Variants in FRMD4A observed in about 807,000 individuals in gnomAD.
The protein encoded by FRMD4A is FERM domain-containing protein 4A.
In FRMD4A, 29 loss-of-function variants were observed where a neutral mutation model predicts 129.1. The observed-to-expected ratio is 0.22, with a 90% confidence interval of 0.17 to 0.31. FRMD4A has a LOEUF of 0.31. Ranked by LOEUF, FRMD4A falls within the 10% of genes least tolerant of loss-of-function variation. The pLI, the probability that FRMD4A is intolerant of heterozygous loss-of-function variation, is 1.00. For missense variants in FRMD4A, 1,272 were observed against 1,375.8 expected (o/e 0.92, Z 1.19); for synonymous variants, 634 against 571.6 (o/e 1.11, Z -1.56).
chr10:13,952,667 C>T (rs990435959), intron 2 of FRMD4A, among the ~76,000 whole-genome samples: 1 of 152,042 alleles, frequency 6.6e-6, no homozygotes, highest in Non-Finnish European at 1.5e-5. Flanking sequence ...GAGGTAGTTG[C>T]AAATTATGTA....
At chr10:14,210,769 C>A (rs1340646814) in intron 2 of FRMD4A, among the ~76,000 whole-genome samples, 1 of 152,134 alleles carries the variant, frequency 6.6e-6, no homozygotes, top group Non-Finnish European at 1.5e-5. Flanking sequence ...GCTCTGTCAC[C>A]CAGGCTGGAG....
chr10:14,052,796 T>G (rs571420395), intron 2 of FRMD4A, among the ~76,000 whole-genome samples: 7 of 152,122 alleles, frequency 4.6e-5, no homozygotes, highest in African/African-American at 1.2e-4. Flanking sequence ...ACTCCTGACC[T>G]CAAGTGATCC....
At chr10:14,209,839 G>C (rs1437842204) in intron 2 of FRMD4A, among the ~76,000 whole-genome samples, 4 of 152,120 alleles carry the variant, frequency 2.6e-5, no homozygotes, top group Non-Finnish European at 5.9e-5. Flanking sequence ...AGTGAGCTGT[G>C]ATCATGCCAC....
At chr10:13,963,369 C>T (rs144395016) in intron 2 of FRMD4A, among the ~76,000 whole-genome samples, 90 of 149,902 alleles carry the variant, frequency 6.0e-4, no homozygotes, top group Non-Finnish European at 9.4e-4. Flanking sequence ...TGCAGGGCAT[C>T]GCTCTTTAAA....
chr10:13,930,619 G>A (rs149880785), intron 2 of FRMD4A, among the ~76,000 whole-genome samples: 1,854 of 152,244 alleles, frequency 0.012, 17 homozygotes, highest in Non-Finnish European at 0.021. Context: ...ACTGCCAGAC[G>A]TTCCCGAAGG....
At chr10:14,228,119 G>A (rs1843510716) in intron 2 of FRMD4A, among the ~76,000 whole-genome samples, 1 of 152,070 alleles carries the variant, frequency 6.6e-6, no homozygotes, top group South Asian at 2.1e-4. Flanking sequence ...TGACCCACCT[G>A]TTTCAGCCTC....
chr10:14,197,087 C>A (rs1335871646), intron 2 of FRMD4A, among the ~76,000 whole-genome samples: 1 of 152,152 alleles, frequency 6.6e-6, no homozygotes, highest in Non-Finnish European at 1.5e-5. Context: ...TAAGCCAGCT[C>A]AGAAAGCTGC....
At chr10:13,903,337 C>A (rs944083079) in intron 2 of FRMD4A, among the ~76,000 whole-genome samples, 1 of 152,156 alleles carries the variant, frequency 6.6e-6, no homozygotes, top group Non-Finnish European at 1.5e-5. Flanking sequence ...TGTTTTATTA[C>A]CTGTCCTTCC....
chr10:14,127,511 G>C (rs1838911870), intron 2 of FRMD4A, among the ~76,000 whole-genome samples: 1 of 152,168 alleles, frequency 6.6e-6, no homozygotes, highest in Admixed American at 6.5e-5. Context: ...CATTGAATAA[G>C]ATGGCACTAC....
chr10:14,200,455 G>T (rs544477940), intron 2 of FRMD4A, among the ~76,000 whole-genome samples: 5 of 152,172 alleles, frequency 3.3e-5, no homozygotes, highest in African/African-American at 1.2e-4. Flanking sequence ...ACCTTGCAAG[G>T]CTAATTTTTG....
Position 13,740,293 on chromosome 10 carries a change from C to G in FRMD4A, c.615-42G>C, listed in dbSNP as rs778909117. ...AAGATACACAAACACACACACAATG[C>G]GCAAAAGGCTAGTTATTCAGCAGAT... On this transcript the variant is annotated intron_variant, in intron 10 of 24. Coordinates refer to ENST00000357447, the MANE Select transcript of FRMD4A (RefSeq NM_018027.5). The G allele has an allele frequency of 5.9e-6, 8 of 1,359,290 alleles. No individual in the cohort carries two copies. In the South Asian group the frequency reaches 9.4e-5, roughly 16 times the overall value. The allele number at this position is 1,359,290 out of a possible 1,614,324, so 84.2% of individuals were successfully genotyped here.
chr10:14,151,565 G>A (rs1157070624), intron 2 of FRMD4A, among the ~76,000 whole-genome samples: 1 of 152,130 alleles, frequency 6.6e-6, no homozygotes, highest in African/African-American at 2.4e-5. Flanking sequence ...TTTGAGTGAT[G>A]GGTACACTGG....
intron 2 of FRMD4A, among the ~76,000 whole-genome samples, chr10:14,282,079 AGGGGTTTTT>A (rs1328298992): frequency 1.3e-5 from 2 of 152,170 alleles, no homozygotes; most frequent in Admixed American, 6.5e-5. Context: ...ACCAAGCAAA[AGGGGTTTTT>A]CGTTATAAAA....
chr10:13,707,959 T>G, intron 12 of FRMD4A: 1,046 of 886,656 alleles, frequency 1.2e-3, no homozygotes, highest in Middle Eastern at 1.7e-3. Flanking sequence ...GGAACGGGGT[T>G]CCTTTCATTG....
chr10:13,726,138 G>A (rs759916430), intron 12 of FRMD4A, among the ~76,000 whole-genome samples: 1 of 152,178 alleles, frequency 6.6e-6, no homozygotes, highest in East Asian at 1.9e-4. Context: ...AGCCGAGTGT[G>A]TTGCACACGC....
chr10:14,006,337 A>T (rs1377594365), intron 2 of FRMD4A, among the ~76,000 whole-genome samples: 1 of 152,230 alleles, frequency 6.6e-6, no homozygotes, highest in African/African-American at 2.4e-5. Flanking sequence ...CAAGGGCAGA[A>T]AATAGCCCTG....
intron 2 of FRMD4A, among the ~76,000 whole-genome samples, chr10:14,203,106 T>C (rs2075273273): frequency 6.6e-6 from 1 of 152,214 alleles, no homozygotes; most frequent in African/African-American, 2.4e-5. Flanking sequence ...AGTTTATGTC[T>C]GACACCTCCA....
At position 13,648,704 on chromosome 10, in the gene FRMD4A, C is replaced by G. The variant is rs977614226; in HGVS notation, c.*3-1669G>C. On this transcript the variant is annotated intron_variant, in intron 24 of 24. Coordinates refer to ENST00000357447, the MANE Select transcript of FRMD4A (RefSeq NM_018027.5). ...GGCTCCAGTGACATCGGCTGGTACA[C>G]GCTTTTGTTTGCTTACGCTTGTTGA... 3 of 152,308 alleles carry G rather than the reference C, an allele frequency of 2.0e-5. No homozygotes were observed. The South Asian group carries it at 6.2e-4, about 32-fold the overall frequency. 9.4% of individuals were successfully genotyped at this position (152,308 alleles called of 1,614,324 possible). A position where few individuals can be genotyped will look rare whatever the true frequency, so the allele number is the denominator to read the frequency against.
At chr10:14,105,863 T>C (rs1237669212) in intron 2 of FRMD4A, among the ~76,000 whole-genome samples, 1 of 152,234 alleles carries the variant, frequency 6.6e-6, no homozygotes, top group Non-Finnish European at 1.5e-5. Context: ...TTGTTTATCA[T>C]GTTCCTCTGT....
Sources: gnomAD v4.1 joint callset for allele counts (sites outside exome capture counted in the v4.1 genomes callset) on GRCh38, gnomAD v4.1.1 for gene constraint, MANE v1.5 for transcripts, NCBI Gene and HGNC (gene_info 2026-07-23, HGNC 2026-07-21) for gene names.